MYH8: variants seen among roughly 807,000 people sequenced by gnomAD.
MYH8 encodes the protein myosin-8.
A neutral mutation model predicts 233.2 loss-of-function variants in MYH8; 168 were observed. The observed-to-expected ratio is 0.72, with a 90% CI of 0.64 to 0.82. MYH8 has a LOEUF of 0.82. MYH8 is among the 40% of genes least tolerant of loss of function. The pLI is 0.00. For missense variants in MYH8, 1,995 were observed against 2,327.8 expected (o/e 0.86, Z 2.94); for synonymous variants, 785 against 850.6 (o/e 0.92, Z 1.34).
In MYH8 at chr17:10,400,304, A is replaced by G. The variant is rs2072124812; in HGVS notation, c.3735+86T>C. ...TTAGAAAATATTTGAGTAGTGCTGT[A>G]AAATGCCTGCAAACAATGTTTAGTG... On this transcript the variant is annotated intron_variant, in intron 27 of 39. Transcript: ENST00000403437. The surrounding 1 kb of genome is among the most constrained non-coding windows in gnomAD (Gnocchi z 4.0). 1 of 1,528,732 alleles carries G rather than the reference A, an allele frequency of 6.5e-7. No homozygotes were observed. The highest frequency in any genetic ancestry group is 1.4e-5 in the African/African-American group (1 of 73,348). 94.7% of individuals were successfully genotyped at this position (1,528,732 alleles called of 1,614,324 possible). A position where few individuals can be genotyped will look rare whatever the true frequency, so the allele number is the denominator to read the frequency against.
At chr17:10,395,608 CAG>C (rs1259882410) in intron 33 of MYH8, among the ~76,000 whole-genome samples, 167 bp from the exon 34 acceptor site, 2 of 151,974 alleles carry the variant, frequency 1.3e-5, no homozygotes, top group East Asian at 1.9e-4. Context: ...TATTTAGTGA[CAG>C]ATTATATAGG....
chr17:10,414,081 G>T (rs772689714), intron 11 of MYH8, 41 bp from the exon 12 acceptor site: 2 of 1,613,212 alleles, frequency 1.2e-6, no homozygotes, highest in Non-Finnish European at 1.7e-6. Flanking sequence ...GGGCTGAAGA[G>T]ACTAACTTAT....
intron 17 of MYH8, 113 bp downstream of exon 17, chr17:10,408,984 A>C: frequency 1.0e-6 from 1 of 953,096 alleles, no homozygotes; most frequent in Non-Finnish European, 1.7e-6. Flanking sequence ...ACGAGAGCTG[A>C]TATTTGAAGT....
Position 10,393,085 on chromosome 17 carries a change from A to G in MYH8, c.5292T>C (p.Asp1764=), listed in dbSNP as rs767783112. The G allele has an allele frequency of 1.9e-6, 3 of 1,614,224 alleles. No individual in the cohort carries two copies. The highest frequency in any genetic ancestry group is 2.5e-6 in the Non-Finnish European group (3 of 1,180,036). Reference sequence around the variant, plus strand: ...TCAGTAGGCCAAATGTTCATCTTACATCAGTGATGGCCTTCTTGGCTTTCT... The same window carrying G: ...TCAGTAGGCCAAATGTTCATCTTACGTCAGTGATGGCCTTCTTGGCTTTCT... ...AEEKAKKAIT[D]AAMMAEELKK... Residue 1764 remains aspartate, a splice_region_variant and synonymous_variant, in exon 36 of 40, where the codon GAT becomes GAC. Coordinates refer to ENST00000403437, the MANE Select transcript of MYH8 (RefSeq NM_002472.3).
intron 30 of MYH8, 63 bp from the exon 31 acceptor site, chr17:10,397,049 T>C: frequency 1.3e-6 from 2 of 1,551,438 alleles, no homozygotes; most frequent in East Asian, 2.2e-5. Flanking sequence ...ATAACCTCCT[T>C]GGTCCCTTTT....
Position 10,415,224 on chromosome 17 carries a change from G to A in MYH8, c.742-45C>T, listed in dbSNP as rs2072279025. Reference sequence around the variant, plus strand: ...ATTAGAAAACTGAAACACAAAGAGAGATGCAAATGAAATAATAATTCAGAC... The same window carrying A: ...ATTAGAAAACTGAAACACAAAGAGAAATGCAAATGAAATAATAATTCAGAC... On this transcript the variant is annotated intron_variant, in intron 8 of 39. Coordinates refer to ENST00000403437, the MANE Select transcript of MYH8 (RefSeq NM_002472.3). The surrounding 1 kb of genome is among the most constrained non-coding windows in gnomAD (Gnocchi z 4.1). 1.2e-6 allele frequency: 2 copies of A among 1,602,582 alleles called. No homozygotes were observed. Among genetic ancestry groups the A allele is most frequent in the South Asian group, 2.2e-5 (2 of 90,870 alleles).
chr17:10,408,521 A>G, intron 17 of MYH8, among the ~76,000 whole-genome samples: 1 of 152,222 alleles, frequency 6.6e-6, no homozygotes, highest in Non-Finnish European at 1.5e-5. Context: ...CATATATAAG[A>G]ACAAGTTTTT....
chr17:10,401,837 T>C (rs767174169), intron 22 of MYH8, 52 bp from the exon 23 acceptor site: 4 of 1,612,574 alleles, frequency 2.5e-6, no homozygotes, highest in Non-Finnish European at 3.4e-6. Context: ...TTTTGAAACT[T>C]GGTGTTTTTT....
At chr17:10,403,684 GGTTAGT>G (rs2072162008) in intron 22 of MYH8, among the ~76,000 whole-genome samples, 1 of 152,112 alleles carries the variant, frequency 6.6e-6, no homozygotes, top group Non-Finnish European at 1.5e-5. Flanking sequence ...CCTTTTCACA[GGTTAGT>G]TTATGATATT....
intron 9 of MYH8, 116 bp downstream of exon 9, chr17:10,415,000 T>C: frequency 1.1e-6 from 1 of 924,034 alleles, no homozygotes; most frequent in Non-Finnish European, 1.8e-6. Context: ...TTACAGGCAG[T>C]ACTGGCAGCA....
At chr17:10,407,612 G>A (rs77461549) in intron 17 of MYH8, among the ~76,000 whole-genome samples, 30,117 of 151,964 alleles carry the variant, frequency 0.2, 3,766 homozygotes, top group Non-Finnish European at 0.28. Flanking sequence ...AGGCCAAAGC[G>A]GGCGGATCAT....
chr17:10,394,281 C>A lies in MYH8; in HGVS notation c.5134G>T (p.Ala1712Ser). 1 of 1,613,970 alleles carries A rather than the reference C, an allele frequency of 6.2e-7. No homozygotes were observed. Among genetic ancestry groups the A allele is most frequent in the Non-Finnish European group, 8.5e-7 (1 of 1,179,952 alleles). Residue 1712 changes from alanine (A) to serine (S), a missense_variant, in exon 35 of 40, where the codon GCC becomes TCC. Physicochemically the swap from Ala to Ser is moderately conservative, Grantham distance 99. Coordinates refer to ENST00000403437, the MANE Select transcript of MYH8 (RefSeq NM_002472.3). ...TGGAGGAGCTGGACACGCTCACTGGCATCCAGGAGCTCCTGTTCGGCGATT... is the reference window on the plus strand; with the variant it reads ...TGGAGGAGCTGGACACGCTCACTGGAATCCAGGAGCTCCTGTTCGGCGATT... ...RKIAEQELLD[A>S]SERVQLLHTQ...
intron 14 of MYH8, among the ~76,000 whole-genome samples, chr17:10,411,800 C>T (rs578249296): frequency 2.6e-5 from 4 of 152,256 alleles, no homozygotes; most frequent in African/African-American, 9.6e-5. Flanking sequence ...AAGCAGGGAC[C>T]TGATATAGTA....
Position 10,400,386 on chromosome 17 carries a change from G to C in MYH8, c.3735+4C>G. On this transcript the variant is annotated splice_donor_region_variant and intron_variant, in intron 27 of 39. Coordinates refer to ENST00000403437, the MANE Select transcript of MYH8 (RefSeq NM_002472.3). This position sits in a 1 kb window ranked among gnomAD's most constrained non-coding sequence, Gnocchi z 4.0. The stretch of plus-strand genomic sequence containing the variant: ...TACCTTCATTTAGAGACAGTATTGG[G>C]TACCTTGGCTTTGGAAATGGCCTCT... 1 of 1,611,988 alleles carries C rather than the reference G, an allele frequency of 6.2e-7. No homozygotes were observed. Among genetic ancestry groups the C allele is most frequent in the Non-Finnish European group, 8.5e-7 (1 of 1,179,854 alleles).
rs142137577 is a variant in MYH8, at chr17:10,401,683, C to T, written c.2791G>A (p.Glu931Lys). Residue 931 changes from glutamate to lysine, a missense_variant, in exon 23 of 40, where the codon GAG becomes AAG. Glu to Lys is a moderately conservative substitution (Grantham distance 56). Transcript: ENST00000403437. ...KIKEVTERAE[E>K]EEEINAELTA... is the part of the protein sequence containing the mutation. ...AGCTCAGCATTGATCTCTTCCTCCT[C>T]CTCAGCTCTTTCAGTCACCTCTTTG... 185 of 1,614,148 alleles carry T rather than the reference C, an allele frequency of 1.1e-4. No individual in the cohort carries two copies. Among genetic ancestry groups the T allele is most frequent in the South Asian group, 6.7e-4 (61 of 91,082 alleles).
rs1166542049 is a variant in MYH8 at position 10,401,680 on chromosome 17, C to T, written c.2794G>A (p.Glu932Lys). 1 of 1,614,160 alleles carries T rather than the reference C, an allele frequency of 6.2e-7. No individual in the cohort carries two copies. The highest frequency in any genetic ancestry group is 8.5e-7 in the Non-Finnish European group (1 of 1,180,042). The change falls in exon 23 of 40, where the codon GAG becomes AAG. Residue 932 changes from glutamate to lysine, a missense_variant. Around this residue, in one of 3 missense-constraint regions of MYH8, gnomAD observed 1,498 missense variants for 1,680.9 expected, o/e 0.89. Coordinates refer to ENST00000403437, the MANE Select transcript of MYH8 (RefSeq NM_002472.3). Reference sequence around the variant, plus strand: ...GTCAGCTCAGCATTGATCTCTTCCTCCTCCTCAGCTCTTTCAGTCACCTCT... The same window carrying T: ...GTCAGCTCAGCATTGATCTCTTCCTTCTCCTCAGCTCTTTCAGTCACCTCT... ...IKEVTERAEEEEEINAELTAK... is the reference protein window; with the variant it reads ...IKEVTERAEEKEEINAELTAK...
Position 10,390,540 on chromosome 17 carries a change from C to T in MYH8, c.5728G>A (p.Glu1910Lys), listed in dbSNP as rs755283265. The T allele has an allele frequency of 1.1e-5, 18 of 1,614,066 alleles. No homozygotes were observed. Among genetic ancestry groups the T allele is most frequent in the Non-Finnish European group, 1.4e-5 (16 of 1,180,034 alleles). ...RKLQHELEEA[E>K]ERADIAESQV... ...GACTCAGCAATGTCAGCCCGTTCCT[C>T]GGCCTCCTCCAGCTCATGCTGGAGT... The change falls in exon 40 of 40, where the codon GAG becomes AAG. Residue 1910 changes from glutamate (E) to lysine (K), a missense_variant. Glu to Lys is a moderately conservative substitution (Grantham distance 56, BLOSUM62 1). Transcript: ENST00000403437.
chr17:10,392,013 G>T, intron 38 of MYH8, 36 bp from the exon 39 acceptor site: 1 of 1,547,558 alleles, frequency 6.5e-7, no homozygotes, highest in Non-Finnish European at 8.9e-7. Context: ...CATTCATTCC[G>T]AAGAGATAAG....
At chr17:10,409,746 T>A (rs1241259638) in intron 15 of MYH8, among the ~76,000 whole-genome samples, 158 bp from the exon 16 acceptor site, 1 of 152,230 alleles carries the variant, frequency 6.6e-6, no homozygotes, top group South Asian at 2.1e-4. Flanking sequence ...ATCACTAGAA[T>A]GACTTTTCCA....
Sources: gnomAD v4.1 joint callset for allele counts (sites outside exome capture counted in the v4.1 genomes callset) on GRCh38, gnomAD v4.1.1 for gene constraint, gnomAD v4.1.1 regional missense constraint, Gnocchi (gnomAD v3.1) non-coding constraint, MANE v1.5 for transcripts, NCBI Gene and HGNC (gene_info 2026-07-23, HGNC 2026-07-21) for gene names.